The following SENP1 variants were observed in gnomAD, a reference collection of about 807,000 sequenced individuals.
The protein encoded by SENP1 is sentrin-specific protease 1.
A neutral mutation model predicts 93.0 loss-of-function variants in SENP1; 21 were observed. The observed-to-expected ratio is 0.23, with a 90% CI of 0.16 to 0.33. The LOEUF is 0.33. Ranked by LOEUF, SENP1 falls within the 10% of genes least tolerant of loss-of-function variation. The probability of loss-of-function intolerance (pLI) is 1.00; values close to 1 mark genes in which losing one functional copy is unlikely to be tolerated. For synonymous variants in SENP1, 256 were observed against 259.6 expected, an observed-to-expected ratio of 0.99 and a Z score of 0.13; for missense variants, 591 against 758.7, an observed-to-expected ratio of 0.78 and a Z score of 2.60.
At chr12:48,091,997 A>C (rs1011179469) in intron 4 of SENP1, among the ~76,000 whole-genome samples, 5 of 152,168 alleles carry the variant, frequency 3.3e-5, no homozygotes, top group Non-Finnish European at 7.3e-5. Context: ...AACTGTAAAA[A>C]AGTTTTTAAA....
At chr12:48,100,437 C>A (rs1945846501) in intron 2 of SENP1, among the ~76,000 whole-genome samples, 1 of 152,138 alleles carries the variant, frequency 6.6e-6, no homozygotes, top group Admixed American at 6.5e-5. Context: ...TCAAGACCAG[C>A]CTGGCCAACA....
intron 1 of SENP1, chr12:48,105,424 G>T (rs1946445922): frequency 1.9e-6 from 1 of 518,952 alleles, no homozygotes; most frequent in South Asian, 1.4e-5. Context: ...AGCCAGGTAA[G>T]CAAATTGTGG....
At chr12:48,064,959 G>T in intron 12 of SENP1, 106 bp downstream of exon 12, 1 of 800,916 alleles carries the variant, frequency 1.2e-6, no homozygotes, top group Admixed American at 2.3e-5. Context: ...TTACAGGCGT[G>T]AGCCACCGTG....
chr12:48,071,690 T>G lies in SENP1; in HGVS notation c.972A>C (p.Lys324Asn), dbSNP rs532167894. The G allele has an allele frequency of 2.6e-5, 42 of 1,608,750 alleles. No homozygotes were observed. The South Asian group carries it at 4.3e-4, about 17-fold the overall frequency. The change falls in exon 9 of 18, where the codon AAA becomes AAC. Residue 324 changes from lysine (K) to asparagine (N), a missense_variant. By Grantham distance (94) the Lys-to-Asn change is moderately conservative. This residue lies in a region of SENP1 where 238 missense variants were observed against 259.1 expected (regional missense o/e 0.92). Transcript: ENST00000549518. ...ACCTGGGAGTTGGAGTCTGGGAATC[T>G]TTCACTTTCAGTAAAATCACAGAGT... ...GSDSVILLKVKDSQTPTPSST... is the reference protein window; with the variant it reads ...GSDSVILLKVNDSQTPTPSST...
intron 13 of SENP1, among the ~76,000 whole-genome samples, chr12:48,051,245 AC>A (rs1565734730): frequency 6.6e-6 from 1 of 152,160 alleles, no homozygotes; most frequent in Non-Finnish European, 1.5e-5. Flanking sequence ...AAAGCTAAAG[AC>A]CAACACAGCT....
chr12:48,089,247 C>G (rs754199240), intron 4 of SENP1: 3 of 1,422,158 alleles, frequency 2.1e-6, no homozygotes, highest in Non-Finnish European at 2.8e-6. Context: ...CACCAAAAGT[C>G]AACATTTTAC....
intron 13 of SENP1, chr12:48,055,155 G>A: frequency 3.9e-6 from 1 of 256,678 alleles, no homozygotes; most frequent in South Asian, 6.4e-5. Flanking sequence ...AGCCACATTT[G>A]CCACAGGTTG....
chr12:48,048,193 C>T, intron 14 of SENP1, 113 bp from the exon 15 acceptor site: 1 of 668,384 alleles, frequency 1.5e-6, no homozygotes. Context: ...AAAATCATGA[C>T]AAGTTTGACT....
At chr12:48,096,031 C>A (rs914213609) in intron 4 of SENP1, among the ~76,000 whole-genome samples, 1 of 152,218 alleles carries the variant, frequency 6.6e-6, no homozygotes, top group Admixed American at 6.5e-5. Flanking sequence ...ACACCCTTTA[C>A]ACACATCACA....
chr12:48,082,616 C>A (rs948316317), intron 6 of SENP1, among the ~76,000 whole-genome samples: 14 of 152,218 alleles, frequency 9.2e-5, no homozygotes, highest in Non-Finnish European at 4.4e-5. Flanking sequence ...CAAGCAACCA[C>A]AGCATTAGAC....
chr12:48,047,327 T>TA (rs1279031274), intron 15 of SENP1, among the ~76,000 whole-genome samples: 2 of 152,240 alleles, frequency 1.3e-5, no homozygotes, highest in Admixed American at 1.3e-4. Context: ...AAGCTCCTTC[T>TA]ACCTACCATT....
chr12:48,064,259 G>A (rs1943142017), intron 12 of SENP1, among the ~76,000 whole-genome samples: 1 of 152,140 alleles, frequency 6.6e-6, no homozygotes, highest in Non-Finnish European at 1.5e-5. Context: ...CTTTCTTAGA[G>A]ATCTTTTTTT....
chr12:48,103,836 C>G (rs940080510), intron 1 of SENP1, among the ~76,000 whole-genome samples: 1 of 152,088 alleles, frequency 6.6e-6, no homozygotes, highest in East Asian at 1.9e-4. Context: ...TTGACAACTG[C>G]GGTGAAACAC....
rs963261701 is a variant in SENP1 at position 48,071,531 on chromosome 12, G to C, written c.995+136C>G. The C allele has an allele frequency of 1.1e-5, 6 of 557,340 alleles. No individual in the cohort carries two copies. In the South Asian group the frequency reaches 1.5e-4, roughly 14 times the overall value. 34.5% of individuals were successfully genotyped at this position (557,340 alleles called of 1,614,324 possible). On this transcript the variant is annotated intron_variant, in intron 9 of 17. Transcript: ENST00000549518. ...CTCGGGAGGCTGAGGCAGAAGAATT[G>C]CTTGAACCAGGGAGGTGGAGGTTGC...
At chr12:48,055,172 GA>G in intron 13 of SENP1, 3 of 253,194 alleles carry the variant, frequency 1.2e-5, no homozygotes, top group East Asian at 9.6e-5. Context: ...GTTGACTTCT[GA>G]AGGTGGTATG....
At chr12:48,072,289 T>G (rs1201631278) in intron 8 of SENP1, among the ~76,000 whole-genome samples, 1 of 152,200 alleles carries the variant, frequency 6.6e-6, no homozygotes, top group Non-Finnish European at 1.5e-5. Flanking sequence ...GTCACCTCAG[T>G]CATCCAATTG....
chr12:48,048,844 C>T, intron 14 of SENP1, 85 bp downstream of exon 14: 1 of 956,452 alleles, frequency 1.0e-6, no homozygotes, highest in Non-Finnish European at 1.6e-6. Flanking sequence ...ATCAAGGGAA[C>T]ATGTAGAACT....
At chr12:48,092,224 T>C (rs1222171323) in intron 4 of SENP1, among the ~76,000 whole-genome samples, 1 of 151,814 alleles carries the variant, frequency 6.6e-6, no homozygotes. Context: ...ACCAATAAAG[T>C]CAGGATCAGC....
chr12:48,083,668 A>G lies in SENP1; in HGVS notation c.475T>C (p.Ser159Pro), dbSNP rs544929835. ...SFPIKPVPSPSWSGSCRRSLL... is the reference protein window; with the variant it reads ...SFPIKPVPSPPWSGSCRRSLL... ...CTTCGACGACATGAACCACTCCAAG[A>G]TGGACTTGGAACAGGTTTAATAGGA... The change falls in exon 6 of 18, where the codon TCT becomes CCT. Residue 159 changes from serine (S) to proline (P), a missense_variant. Around this residue, in one of 4 missense-constraint regions of SENP1, gnomAD observed 214 missense variants for 243.4 expected, o/e 0.88. Coordinates refer to ENST00000549518, the MANE Select transcript of SENP1 (RefSeq NM_001267594.2). 2 of 1,612,906 alleles carry G rather than the reference A, an allele frequency of 1.2e-6. No individual in the cohort carries two copies. Among genetic ancestry groups the G allele is most frequent in the South Asian group, 2.2e-5 (2 of 91,046 alleles).
Sources: allele counts gnomAD v4.1 joint callset (sites outside exome capture counted in the v4.1 genomes callset), GRCh38; gene constraint gnomAD v4.1.1; regional missense constraint gnomAD v4.1.1; transcripts MANE v1.5; gene names NCBI Gene and HGNC (gene_info 2026-07-23, HGNC 2026-07-21).